The following CDK11B variants were observed in gnomAD, a reference collection of about 807,000 sequenced individuals.
CDK11B encodes cyclin-dependent kinase 11B.
Under a neutral mutation model 84.0 loss-of-function variants are expected in CDK11B, and 37 were observed. The ratio of observed to expected loss-of-function variants is 0.44; its 90% CI spans 0.34 to 0.58. CDK11B has a LOEUF of 0.58. Ranked by LOEUF, CDK11B falls within the 20% of genes least tolerant of loss-of-function variation. The probability of loss-of-function intolerance (pLI) is 0.02; values close to 1 mark genes in which losing one functional copy is unlikely to be tolerated. For synonymous variants in CDK11B, 269 were observed against 309.8 expected (o/e 0.87, Z 1.38); for missense variants, 427 against 834.0 (o/e 0.51, Z 6.01).
chr1:1,639,354 C>T (rs1194413918), intron 11 of CDK11B, among the ~76,000 whole-genome samples: 7 of 151,698 alleles, frequency 4.6e-5, no homozygotes, highest in Admixed American at 4.6e-4. Flanking sequence ...GAGGGGGAGG[C>T]TCCAGTGAGC....
At chr1:1,658,293 T>C (rs904660534) in intron 1 of CDK11B, among the ~76,000 whole-genome samples, 8 of 149,092 alleles carry the variant, frequency 5.4e-5, no homozygotes, top group Non-Finnish European at 8.9e-5. Flanking sequence ...GAAGTGCGCT[T>C]GTGAACAGCC....
chr1:1,658,931 T>TGCCGCCGCC lies in CDK11B; in HGVS notation c.-40_-32dup, dbSNP rs532220148. ...GAACTCACCCCTACGCCGCCGCCGC[T>TGCCGCCGCC]GCCGCCGCCGCCGCCGCCGGTCCCG... On this transcript the variant is annotated 5_prime_UTR_variant, in exon 1 of 20. Transcript: ENST00000341832. The TGCCGCCGCC allele has an allele frequency of 9.2e-5, 18 of 195,696 alleles. 1 individual carries two copies. The highest frequency in any genetic ancestry group is 4.3e-3 in the Middle Eastern group (2 of 460). The allele number at this position is 195,696 out of a possible 1,614,324, so 12.1% of individuals were successfully genotyped here.
intron 3 of CDK11B, among the ~76,000 whole-genome samples, chr1:1,654,399 T>C (rs1280827220): frequency 6.6e-6 from 1 of 152,198 alleles, no homozygotes; most frequent in Non-Finnish European, 1.5e-5. Flanking sequence ...ATGATGACCA[T>C]GAGGGGCACC....
intron 2 of CDK11B, 191 bp downstream of exon 2, chr1:1,657,184 T>C (rs1489619273): frequency 1.8e-5 from 29 of 1,612,346 alleles, no homozygotes; most frequent in Non-Finnish European, 2.3e-5. Context: ...CTTTAGTGTG[T>C]TAAATCTGCC....
rs1410610166 is a variant in CDK11B at position 1,637,072 on chromosome 1, G to C, written c.1692+9C>G. ...CTCCCTGGGATGGGCCACTCGGAGG[G>C]GGGCTCACCTTGAGGATGCCGGCGT... On this transcript the variant is annotated intron_variant, in intron 15 of 19. Coordinates refer to ENST00000341832, the MANE Select transcript of CDK11B (RefSeq NM_033486.3). 4 of 1,613,550 alleles carry C rather than the reference G, an allele frequency of 2.5e-6. No homozygotes were observed. The Admixed American group carries it at 5.0e-5, about 20-fold the overall frequency.
intron 4 of CDK11B, among the ~76,000 whole-genome samples, chr1:1,650,011 C>T (rs1455738178): frequency 1.2e-3 from 180 of 148,002 alleles, no homozygotes; most frequent in Non-Finnish European, 1.9e-3. Flanking sequence ...CGGTGGCTCA[C>T]GCCTGTAATT....
At chr1:1,655,674 A>C (rs1642650151) in intron 2 of CDK11B, among the ~76,000 whole-genome samples, 190 bp from the exon 3 acceptor site, 1 of 152,180 alleles carries the variant, frequency 6.6e-6, no homozygotes. Context: ...TTGTAATCCC[A>C]GCACTTTGGG....
At chr1:1,651,659 G>C (rs1642024541) in intron 4 of CDK11B, among the ~76,000 whole-genome samples, 1 of 151,666 alleles carries the variant, frequency 6.6e-6, no homozygotes, top group Non-Finnish European at 1.5e-5. Context: ...TGAACGGTCT[G>C]TGACACACGC....
At chr1:1,650,569 G>A (rs1337830647) in intron 4 of CDK11B, among the ~76,000 whole-genome samples, 1 of 149,920 alleles carries the variant, frequency 6.7e-6, no homozygotes, top group Non-Finnish European at 1.5e-5. Flanking sequence ...GTTCCACCAT[G>A]TTAGCCAGGA....
chr1:1,648,768 G>C (rs1370490963), intron 5 of CDK11B, among the ~76,000 whole-genome samples: 1 of 152,130 alleles, frequency 6.6e-6, no homozygotes, highest in Non-Finnish European at 1.5e-5. Context: ...AAGGTTTTTA[G>C]GATCTCCCTT....
At chr1:1,641,353 A>T (rs1557676652) in intron 9 of CDK11B, among the ~76,000 whole-genome samples, 1 of 148,026 alleles carries the variant, frequency 6.8e-6, no homozygotes, top group Non-Finnish European at 1.5e-5. Flanking sequence ...GACTAAAAAT[A>T]AAAAAATTAT....
At chr1:1,641,251 G>T in intron 9 of CDK11B, 138 bp from the exon 10 acceptor site, 1 of 1,414,586 alleles carries the variant, frequency 7.1e-7, no homozygotes, top group Non-Finnish European at 9.7e-7. Flanking sequence ...GCTCACGCCT[G>T]TAATCCCAGC....
At chr1:1,649,748 G>A (rs1349192199) in intron 4 of CDK11B, 111 bp from the exon 5 acceptor site, 105 of 1,019,108 alleles carry the variant, frequency 1.0e-4, no homozygotes, top group Non-Finnish European at 1.5e-4. Flanking sequence ...GCTGAGGCGG[G>A]CGGATCACCT....
chr1:1,637,325 C>G, intron 14 of CDK11B, 83 bp downstream of exon 14: 1 of 1,569,618 alleles, frequency 6.4e-7, no homozygotes, highest in East Asian at 2.4e-5. Flanking sequence ...GCAGCTGGCC[C>G]TCCCTGCAGC....
intron 4 of CDK11B, among the ~76,000 whole-genome samples, 159 bp from the exon 5 acceptor site, chr1:1,649,796 G>A (rs1641651798): frequency 6.6e-6 from 1 of 151,670 alleles, no homozygotes. Context: ...CCAACATGGT[G>A]AAACCCCGTC....
intron 3 of CDK11B, chr1:1,654,084 G>GT (rs1570227721): frequency 4.5e-6 from 2 of 441,592 alleles, no homozygotes; most frequent in East Asian, 6.8e-5. Context: ...GCTGATTTCT[G>GT]TATCACCAAA....
rs1357324195 is a variant in CDK11B, at chr1:1,645,907, C to G, written c.495-645G>C. 3.4e-5 allele frequency: 12 copies of G among 349,908 alleles called. No homozygotes were observed. The East Asian group carries it at 9.1e-4, about 27-fold the overall frequency. The allele number at this position is 349,908 out of a possible 1,614,324, so 21.7% of individuals were successfully genotyped here. A position where few individuals can be genotyped will look rare whatever the true frequency, so the allele number is the denominator to read the frequency against. On this transcript the variant is annotated intron_variant, in intron 5 of 19. Transcript: ENST00000341832. ...AGGCTGGAGTGCAGTGGCGCAATCTCGGCTCACTGCAACCTCCATCTCACG... is the reference window on the plus strand; with the variant it reads ...AGGCTGGAGTGCAGTGGCGCAATCTGGGCTCACTGCAACCTCCATCTCACG...
rs183458874 is a variant in CDK11B at position 1,639,564 on chromosome 1, G to A, written c.1251+713C>T. Among the ~76,000 whole-genome samples, 9 of 152,028 alleles carry A rather than the reference G, an allele frequency of 5.9e-5. 1 individual carries two copies. Among genetic ancestry groups the A allele is most frequent in the African/African-American group, 1.9e-4 (8 of 41,468 alleles). ...CTACCCCTCCGTGTACCTTGGGGCC[G>A]GTGCCCAGGCCGGATGTCATGTACT... On this transcript the variant is annotated intron_variant, in intron 11 of 19. Coordinates refer to ENST00000341832, the MANE Select transcript of CDK11B (RefSeq NM_033486.3).
intron 11 of CDK11B, among the ~76,000 whole-genome samples, chr1:1,639,098 G>A (rs1639850654): frequency 1.3e-5 from 2 of 151,426 alleles, no homozygotes; most frequent in Admixed American, 6.6e-5. Context: ...GCACCACCAC[G>A]CCAGGCTAAT....
Sources: allele counts gnomAD v4.1 joint callset (sites outside exome capture counted in the v4.1 genomes callset), GRCh38; gene constraint gnomAD v4.1.1; transcripts MANE v1.5; gene names NCBI Gene and HGNC (gene_info 2026-07-23, HGNC 2026-07-21).